SLC44A5: variants seen among roughly 807,000 people sequenced by gnomAD.
The protein encoded by SLC44A5 is choline transporter-like protein 5.
A neutral mutation model predicts 101.8 loss-of-function variants in SLC44A5; 57 were observed. That is an observed-to-expected ratio of 0.56 (90% CI 0.45 to 0.70). SLC44A5 has a LOEUF of 0.70. Among genes scored for constraint, SLC44A5 ranks in the 30% least tolerant of loss-of-function variants. The pLI, the probability that SLC44A5 is intolerant of heterozygous loss-of-function variation, is 0.00. For synonymous variants in SLC44A5, 281 were observed against 290.9 expected (o/e 0.97, Z 0.35); for missense variants, 737 against 853.1 (o/e 0.86, Z 1.70).
At chr1:75,221,115 T>C (rs1199044553) in intron 14 of SLC44A5, among the ~76,000 whole-genome samples, 1 of 152,208 alleles carries the variant, frequency 6.6e-6, no homozygotes, top group African/African-American at 2.4e-5. Flanking sequence ...TGGCTAATGA[T>C]AGGTTATTGT....
chr1:75,469,777 G>A (rs1045513541), intron 2 of SLC44A5, among the ~76,000 whole-genome samples: 2 of 151,870 alleles, frequency 1.3e-5, no homozygotes, highest in South Asian at 4.2e-4. Flanking sequence ...GTGTATGCCT[G>A]TAGTCCTAGC....
At chr1:75,685,430 G>A in the SLC44A5 span, among the ~76,000 whole-genome samples, 1 of 152,102 alleles carries the variant, frequency 6.6e-6, no homozygotes, top group African/African-American at 2.4e-5. Flanking sequence ...GAACTTTTCT[G>A]CTCTGCTTCC....
At chr1:75,573,803 GA>G (rs11318576) in intron 1 of SLC44A5, among the ~76,000 whole-genome samples, 49,081 of 149,386 alleles carry the variant, frequency 0.33, 8,798 homozygotes, top group Non-Finnish European at 0.42. Flanking sequence ...AAGAAAGCCA[GA>G]AAAAAAAAAG....
intron 5 of SLC44A5, 96 bp downstream of exon 5, chr1:75,300,516 G>A: frequency 5.4e-6 from 4 of 734,270 alleles, no homozygotes; most frequent in South Asian, 2.7e-5. Context: ...TAATAGGAAG[G>A]CTTTTGGAAG....
the SLC44A5 span, among the ~76,000 whole-genome samples, chr1:75,657,597 G>A: frequency 0.016 from 2,388 of 150,778 alleles, 78 homozygotes; most frequent in African/African-American, 0.054. Context: ...CATAAAAAGG[G>A]AAATTTTTAA....
intron 5 of SLC44A5, among the ~76,000 whole-genome samples, chr1:75,281,477 G>T (rs1652547358): frequency 6.6e-6 from 1 of 152,060 alleles, no homozygotes; most frequent in African/African-American, 2.4e-5. Flanking sequence ...AGAAATTCAA[G>T]CCTGCTGCAG....
At chr1:75,669,925 T>A in the SLC44A5 span, among the ~76,000 whole-genome samples, 1 of 152,138 alleles carries the variant, frequency 6.6e-6, no homozygotes, top group East Asian at 1.9e-4. Flanking sequence ...TATCTCTGTT[T>A]TGAGGGTTGA....
At chr1:75,260,239 A>AT (rs1409537472) in intron 6 of SLC44A5, among the ~76,000 whole-genome samples, 1 of 152,206 alleles carries the variant, frequency 6.6e-6, no homozygotes, top group Non-Finnish European at 1.5e-5. Context: ...GGCAAATTGG[A>AT]TAAAAAGTCA....
At chr1:75,636,739 G>A in the SLC44A5 span, among the ~76,000 whole-genome samples, 1 of 152,088 alleles carries the variant, frequency 6.6e-6, no homozygotes, top group Non-Finnish European at 1.5e-5. Flanking sequence ...AAATAATAAA[G>A]TTAACAAATG....
At chr1:75,657,512 C>T in the SLC44A5 span, among the ~76,000 whole-genome samples, 15 of 149,656 alleles carry the variant, frequency 1.0e-4, no homozygotes, top group African/African-American at 3.7e-4. Context: ...CACACCATTG[C>T]ACTCCAGCCT....
chr1:75,715,639 ATTAAC>A, the SLC44A5 span, among the ~76,000 whole-genome samples: 4 of 152,240 alleles, frequency 2.6e-5, no homozygotes, highest in Non-Finnish European at 5.9e-5. Context: ...ATATACAAAA[ATTAAC>A]TTAAGGTGGA....
intron 1 of SLC44A5, among the ~76,000 whole-genome samples, chr1:75,597,127 G>A (rs551551951): frequency 6.7e-6 from 1 of 150,020 alleles, no homozygotes; most frequent in East Asian, 2.0e-4. Context: ...GGTGGAGGTT[G>A]CACTGAGCCA....
the SLC44A5 span, among the ~76,000 whole-genome samples, chr1:75,640,008 G>C: frequency 6.6e-6 from 1 of 151,976 alleles, no homozygotes. Context: ...TTATTTTTAG[G>C]TCGTTGTACT....
the SLC44A5 span, among the ~76,000 whole-genome samples, chr1:75,641,175 A>C: frequency 1.3e-5 from 2 of 152,118 alleles, no homozygotes; most frequent in Admixed American, 1.3e-4. Context: ...AACAAATGGC[A>C]TATTTGTGTC....
the SLC44A5 span, among the ~76,000 whole-genome samples, chr1:75,644,087 T>G: frequency 3.3e-5 from 5 of 152,166 alleles, no homozygotes; most frequent in Non-Finnish European, 7.3e-5. Flanking sequence ...TTAAAAGATG[T>G]AAATAAAATA....
At chr1:75,464,178 C>T (rs564247981) in intron 2 of SLC44A5, among the ~76,000 whole-genome samples, 38 of 136,020 alleles carry the variant, frequency 2.8e-4, no homozygotes, top group African/African-American at 1.0e-3. Context: ...ACCGAGATTG[C>T]ACCACTGCAC....
chr1:75,288,076 G>A (rs1037848077), intron 5 of SLC44A5, among the ~76,000 whole-genome samples: 1 of 152,058 alleles, frequency 6.6e-6, no homozygotes, highest in African/African-American at 2.4e-5. Context: ...AAGGTTTTCG[G>A]CTGTCTCACA....
In SLC44A5 at chr1:75,275,006, G is replaced by A; in HGVS notation, c.212C>T (p.Pro71Leu). 1.2e-6 allele frequency: 2 copies of A among 1,612,978 alleles called. No homozygotes were observed. The highest frequency in any genetic ancestry group is 1.7e-6 in the Non-Finnish European group (2 of 1,179,464). The change falls in exon 6 of 24, where the codon CCT becomes CTT. Residue 71 changes from proline (P) to leucine (L), a missense_variant. Physicochemically the swap from Pro to Leu is moderately conservative, Grantham distance 98. This residue lies in a region of SLC44A5 where 665 missense variants were observed against 764.4 expected (regional missense o/e 0.87). Transcript: ENST00000370859. ...ACAAAAGTGGCCCTGGCTGTCTGTA[G>A]GATAGGCTGCTCTTCTGGGGTCCCC... ...VHGDPRRAAYPTDSQGHFCGQ... is the reference protein window; with the variant it reads ...VHGDPRRAAYLTDSQGHFCGQ...
At chr1:75,309,951 T>G (rs1457951988) in intron 4 of SLC44A5, among the ~76,000 whole-genome samples, 1 of 152,204 alleles carries the variant, frequency 6.6e-6, no homozygotes, top group African/African-American at 2.4e-5. Context: ...ACCTATTTTA[T>G]CTACAGGCTG....
Sources: gnomAD v4.1 joint callset for allele counts (sites outside exome capture counted in the v4.1 genomes callset) on GRCh38, gnomAD v4.1.1 for gene constraint, gnomAD v4.1.1 regional missense constraint, MANE v1.5 for transcripts, NCBI Gene and HGNC (gene_info 2026-07-23, HGNC 2026-07-21) for gene names.